Variants in MYOM2 observed in about 807,000 individuals in gnomAD.
MYOM2 encodes the protein myomesin 2.
MYOM2 carries 254 observed loss-of-function variants against 187.6 expected under a neutral mutation model. That is an observed-to-expected ratio of 1.35 (90% CI 1.22 to 1.50). MYOM2 has a LOEUF of 1.50. MYOM2 is among the 40% of genes most tolerant of loss of function. MYOM2 has a pLI of 0.00. For synonymous variants in MYOM2, 981 were observed against 753.8 expected (o/e 1.30, Z -4.94); for missense variants, 2,796 against 1,924.0 (o/e 1.45, Z -8.48).
In MYOM2 at chr8:2,140,904, T is replaced by A. The variant is rs997425388; in HGVS notation, c.3964+18T>A. On this transcript the variant is annotated intron_variant, in intron 33 of 36. Coordinates refer to ENST00000262113, the MANE Select transcript of MYOM2 (RefSeq NM_003970.4). ...CGGACAAGGTAAGAGAATTCTTCTT[T>A]AGCATTTAATAATTTCCTATTTAGA... is the stretch of plus-strand genomic sequence containing the variant. 3 of 1,584,284 alleles carry A rather than the reference T, an allele frequency of 1.9e-6. No individual in the cohort carries two copies. Among genetic ancestry groups the A allele is most frequent in the Non-Finnish European group, 1.7e-6 (2 of 1,162,260 alleles).
intron 3 of MYOM2, among the ~76,000 whole-genome samples, chr8:2,054,415 A>G (rs1470706151): frequency 6.6e-6 from 1 of 152,110 alleles, no homozygotes; most frequent in Non-Finnish European, 1.5e-5. Flanking sequence ...GCCTCCCTGA[A>G]TCTTGCAAGC....
chr8:2,092,846 GT>G, intron 16 of MYOM2, among the ~76,000 whole-genome samples: 1 of 152,104 alleles, frequency 6.6e-6, no homozygotes. Flanking sequence ...TGTGAAAGTC[GT>G]TTTATTTTTT....
chr8:2,121,443 G>A (rs114742659), intron 28 of MYOM2, among the ~76,000 whole-genome samples: 1,583 of 152,202 alleles, frequency 0.01, 19 homozygotes, highest in African/African-American at 0.036. Context: ...TAGGTTCCCT[G>A]ACTAAAGTGA....
At chr8:2,085,425 C>G (rs1819784435) in intron 14 of MYOM2, 35 bp downstream of exon 14, 1 of 1,606,924 alleles carries the variant, frequency 6.2e-7, no homozygotes, top group Non-Finnish European at 8.5e-7. Flanking sequence ...AAAAGTAGAT[C>G]TCTGCATGGC....
At chr8:2,100,581 C>T (rs1039068708) in intron 19 of MYOM2, 12 of 389,428 alleles carry the variant, frequency 3.1e-5, no homozygotes, top group Middle Eastern at 7.0e-4. Flanking sequence ...CTTTCCCGCA[C>T]ACCGTTCCTC....
In MYOM2 at chr8:2,060,676, A is replaced by G. The variant is rs116955151; in HGVS notation, c.653+1431A>G. Among the ~76,000 whole-genome samples, 239 of 152,330 alleles carry G rather than the reference A, an allele frequency of 1.6e-3. 1 individual carries two copies. The East Asian group carries it at 0.025, about 16-fold the overall frequency. On this transcript the variant is annotated intron_variant, in intron 6 of 36. Coordinates refer to ENST00000262113, the MANE Select transcript of MYOM2 (RefSeq NM_003970.4). ...AGCTCAGAGGAGCTCAGGAGGGTGA[A>G]CACAAATGTTGATTGATCATCCTGC...
chr8:2,099,329 C>G (rs1399332141), intron 19 of MYOM2, among the ~76,000 whole-genome samples: 1 of 152,178 alleles, frequency 6.6e-6, no homozygotes, highest in Non-Finnish European at 1.5e-5. Context: ...TCACCTACCC[C>G]AAAGGAGCAG....
At position 2,128,893 on chromosome 8, in the gene MYOM2, T is replaced by C. The variant is rs150785951; in HGVS notation, c.3695-234T>C. Among the ~76,000 whole-genome samples the C allele has an allele frequency of 8.4e-3, 1,278 of 152,338 alleles. 8 individuals carry two copies. The highest frequency in any genetic ancestry group is 0.041 in the Middle Eastern group (12 of 294). ...TCTTTTTAGACAGTTCTATATCTTTTACAGTATTCTGCAAAGAGCTTTTCA... is the reference window on the plus strand; with the variant it reads ...TCTTTTTAGACAGTTCTATATCTTTCACAGTATTCTGCAAAGAGCTTTTCA... On this transcript the variant is annotated intron_variant, in intron 31 of 36. Transcript: ENST00000262113.
chr8:2,122,844 A>G (rs1264570592), intron 28 of MYOM2, among the ~76,000 whole-genome samples: 1 of 152,194 alleles, frequency 6.6e-6, no homozygotes, highest in East Asian at 1.9e-4. Context: ...CTGAAATGGG[A>G]TGCTGTTAAA....
In MYOM2 at chr8:2,141,152, G is replaced by C; in HGVS notation, c.3976G>C (p.Ala1326Pro). 1 of 1,611,886 alleles carries C rather than the reference G, an allele frequency of 6.2e-7. No individual in the cohort carries two copies. Among genetic ancestry groups the C allele is most frequent in the African/African-American group, 1.3e-5 (1 of 75,036 alleles). Reference protein sequence around the residue: ...LDLSGQAFDEAFAEFQQFKAA... With the variant: ...LDLSGQAFDEPFAEFQQFKAA... ...CTATTTCCTCACAGCTTTTGATGAA[G>C]CATTTGCAGAATTCCAGCAATTCAA... Residue 1326 changes from alanine (A) to proline (P), a missense_variant, in exon 34 of 37, where the codon GCA becomes CCA. Physicochemically the swap from Ala to Pro is conservative, Grantham distance 27. Coordinates refer to ENST00000262113, the MANE Select transcript of MYOM2 (RefSeq NM_003970.4).
intron 32 of MYOM2, among the ~76,000 whole-genome samples, chr8:2,134,743 C>T (rs1798007826): frequency 6.6e-6 from 1 of 152,176 alleles, no homozygotes; most frequent in South Asian, 2.1e-4. Context: ...CCCTTGGGAG[C>T]TCCTTCCGGT....
intron 6 of MYOM2, among the ~76,000 whole-genome samples, chr8:2,060,679 C>G (rs1194589078): frequency 1.3e-5 from 2 of 152,164 alleles, no homozygotes; most frequent in Admixed American, 6.5e-5. Flanking sequence ...AGGGTGAACA[C>G]AAATGTTGAT....
At chr8:2,077,277 T>C (rs992860643) in intron 11 of MYOM2, among the ~76,000 whole-genome samples, 1 of 151,606 alleles carries the variant, frequency 6.6e-6, no homozygotes, top group African/African-American at 2.4e-5. Flanking sequence ...GCCACTGGAC[T>C]CCAGCCTGGC....
chr8:2,130,081 C>G (rs188769291), intron 32 of MYOM2, among the ~76,000 whole-genome samples: 22 of 151,960 alleles, frequency 1.4e-4, no homozygotes, highest in Admixed American at 1.2e-3. Context: ...GTACACTGTA[C>G]CCAGGGCGCC....
chr8:2,109,169 C>A, intron 24 of MYOM2: 2 of 539,260 alleles, frequency 3.7e-6, no homozygotes, highest in East Asian at 3.2e-5. Context: ...ACTTATCGAA[C>A]ACATTTGCAA....
At chr8:2,098,797 C>G (rs1332649216) in intron 18 of MYOM2, 60 bp from the exon 19 acceptor site, 3 of 1,519,330 alleles carry the variant, frequency 2.0e-6, no homozygotes, top group East Asian at 2.3e-5. Flanking sequence ...AACTCCTCCC[C>G]CTCAGTGGGC....
intron 28 of MYOM2, chr8:2,119,117 A>G (rs1471313809): frequency 3.3e-5 from 5 of 152,358 alleles, no homozygotes; most frequent in African/African-American, 4.8e-5. Flanking sequence ...TCAGTAAGGC[A>G]TAACCGGCTC....
intron 32 of MYOM2, among the ~76,000 whole-genome samples, chr8:2,129,893 C>T (rs1303864868): frequency 6.6e-6 from 1 of 152,150 alleles, no homozygotes; most frequent in Non-Finnish European, 1.5e-5. Context: ...ACAGGACTCG[C>T]ATCAGGGTCA....
intron 10 of MYOM2, among the ~76,000 whole-genome samples, chr8:2,074,333 G>A (rs1341906537): frequency 1.3e-5 from 2 of 152,246 alleles, no homozygotes; most frequent in Non-Finnish European, 2.9e-5. Flanking sequence ...TGTCTCTAGG[G>A]TAGAGAAGCT....
Sources: allele counts gnomAD v4.1 joint callset (sites outside exome capture counted in the v4.1 genomes callset), GRCh38; gene constraint gnomAD v4.1.1; transcripts MANE v1.5; gene names NCBI Gene and HGNC (gene_info 2026-07-23, HGNC 2026-07-21).